Variants in TAOK3 observed in about 807,000 individuals in gnomAD.
TAOK3 encodes TAO kinase 3.
A neutral mutation model predicts 120.4 loss-of-function variants in TAOK3; 40 were observed. That is an observed-to-expected ratio of 0.33 (90% CI 0.26 to 0.43). The LOEUF is 0.43. TAOK3 is among the 20% of genes least tolerant of loss of function. The probability of loss-of-function intolerance (pLI) is 1.00; values close to 1 mark genes in which losing one functional copy is unlikely to be tolerated. For missense variants in TAOK3, 821 were observed against 1,112.1 expected (o/e 0.74, Z 3.72); for synonymous variants, 355 against 387.5 (o/e 0.92, Z 0.99).
intron 1 of TAOK3, among the ~76,000 whole-genome samples, chr12:118,352,349 C>A (rs1329836636): frequency 1.3e-5 from 2 of 151,590 alleles, no homozygotes; most frequent in East Asian, 2.0e-4. Flanking sequence ...ACTAAAAATA[C>A]AAGAATTAGC....
chr12:118,187,160 C>T (rs927943549), intron 14 of TAOK3, among the ~76,000 whole-genome samples: 6 of 152,106 alleles, frequency 3.9e-5, no homozygotes, highest in Non-Finnish European at 8.8e-5. Flanking sequence ...TCCCTGTTCA[C>T]CTTTGGACCT....
chr12:118,183,397 T>C (rs2036887263), intron 14 of TAOK3, among the ~76,000 whole-genome samples: 1 of 152,176 alleles, frequency 6.6e-6, no homozygotes, highest in Non-Finnish European at 1.5e-5. Context: ...GGGTTTCATA[T>C]TCATTTCTCT....
intron 1 of TAOK3, among the ~76,000 whole-genome samples, chr12:118,348,741 C>T (rs1050794888): frequency 4.6e-5 from 7 of 151,858 alleles, no homozygotes; most frequent in African/African-American, 7.3e-5. Context: ...TGAGCCACTG[C>T]GCCCAGCCTC....
At chr12:118,256,860 CA>C (rs2041009196) in intron 2 of TAOK3, among the ~76,000 whole-genome samples, 1 of 151,900 alleles carries the variant, frequency 6.6e-6, no homozygotes, top group Admixed American at 6.6e-5. Flanking sequence ...GTGACTATAC[CA>C]AAAATCATTC....
Position 118,317,298 on chromosome 12 carries a change from A to ATT in TAOK3, c.-193-50541_-193-50540dup, listed in dbSNP as rs950745966. Among the ~76,000 whole-genome samples the ATT allele has an allele frequency of 5.7e-3, 723 of 126,052 alleles. 13 individuals are homozygous for ATT. Among genetic ancestry groups the ATT allele is most frequent in the African/African-American group, 0.02 (670 of 32,780 alleles). 82.7% of individuals were successfully genotyped at this position (126,052 alleles called of 152,430 possible). ...AAAAAAAAAAAAAATCGCTGGGAGA[A>ATT]TTTTTTTTTTTTTTTTTTTTTAGAC... On this transcript the variant is annotated intron_variant, in intron 1 of 20. Transcript: ENST00000392533.
Position 118,161,984 on chromosome 12 carries a change from A to G in TAOK3, c.1943T>C (p.Met648Thr). The change falls in exon 18 of 21, where the codon ATG (methionine) becomes ACG (threonine). Residue 648 changes from methionine (M) to threonine (T), a missense_variant. Physicochemically the swap from Met to Thr is moderately conservative, Grantham distance 81. Coordinates refer to ENST00000392533, the MANE Select transcript of TAOK3 (RefSeq NM_016281.4). The surrounding 1 kb of genome is among the most constrained non-coding windows in gnomAD (Gnocchi z 4.5). ...GGTGGACTCGTCGTGCCGGATTAGC[A>G]TGGCATGCTCCATCTCCTTCTGGGT... ...KRTQKEMEHA[M>T]LIRHDESTRE... 1 of 1,614,080 alleles carries G rather than the reference A, an allele frequency of 6.2e-7. No individual in the cohort carries two copies. The highest frequency in any genetic ancestry group is 1.3e-5 in the African/African-American group (1 of 75,002).
chr12:118,195,974 C>A (rs1341610169), intron 13 of TAOK3, among the ~76,000 whole-genome samples: 2 of 151,972 alleles, frequency 1.3e-5, no homozygotes, highest in Non-Finnish European at 2.9e-5. Flanking sequence ...GGCGTGAACG[C>A]AGGAGGCGGA....
At chr12:118,165,023 C>T (rs759288933) in intron 17 of TAOK3, among the ~76,000 whole-genome samples, 7 of 152,128 alleles carry the variant, frequency 4.6e-5, no homozygotes, top group Non-Finnish European at 1.0e-4. Flanking sequence ...TGAACATGTA[C>T]ACCCCCTCAG....
intron 11 of TAOK3, among the ~76,000 whole-genome samples, chr12:118,207,264 T>C (rs1463580674): frequency 6.7e-6 from 1 of 148,268 alleles, no homozygotes; most frequent in Non-Finnish European, 1.5e-5. Context: ...AGGCAGAGGT[T>C]GCCATGAGCC....
At chr12:118,163,439 C>CTT (rs71069421) in intron 17 of TAOK3, among the ~76,000 whole-genome samples, 177 of 123,210 alleles carry the variant, frequency 1.4e-3, no homozygotes, top group East Asian at 6.6e-3. Context: ...CAGGGACATA[C>CTT]TTTTTTTTTG....
chr12:118,161,968 G>A lies in TAOK3; in HGVS notation c.1959C>T (p.Asp653=), dbSNP rs911352655. 2.5e-6 allele frequency: 4 copies of A among 1,614,098 alleles called. No homozygotes were observed. Among genetic ancestry groups the A allele is most frequent in the South Asian group, 2.2e-5 (2 of 91,066 alleles). Residue 653 remains aspartate, a synonymous_variant, in exon 18 of 21, where the codon GAC becomes GAT. Coordinates refer to ENST00000392533, the MANE Select transcript of TAOK3 (RefSeq NM_016281.4). This position sits in a 1 kb window ranked among gnomAD's most constrained non-coding sequence, Gnocchi z 4.5. ...EMEHAMLIRH[D]ESTRELEYRQ... ...TGTACTCTAGCTCTCGGGTGGACTC[G>A]TCGTGCCGGATTAGCATGGCATGCT...
chr12:118,320,380 C>A (rs2043652399), intron 1 of TAOK3, among the ~76,000 whole-genome samples: 1 of 151,754 alleles, frequency 6.6e-6, no homozygotes, highest in African/African-American at 2.4e-5. Context: ...CGCTTGAGCC[C>A]CAGGTATTTG....
Position 118,160,887 on chromosome 12 carries a change from G to A in TAOK3, c.2140-529C>T, listed in dbSNP as rs76146058. 7.4e-3 allele frequency among the ~76,000 whole-genome samples: 1,123 copies of A among 152,224 alleles called. 16 individuals carry two copies. The highest frequency in any genetic ancestry group is 0.026 in the African/African-American group (1,066 of 41,532). On this transcript the variant is annotated intron_variant, in intron 18 of 20. Transcript: ENST00000392533. The surrounding 1 kb of genome is among the most constrained non-coding windows in gnomAD (Gnocchi z 4.2). ...TATGGATGGTACCTTATATCCTAACGCATTTCTACTGGATTTCAGCGTAAA... is the reference window on the plus strand; with the variant it reads ...TATGGATGGTACCTTATATCCTAACACATTTCTACTGGATTTCAGCGTAAA...
intron 11 of TAOK3, among the ~76,000 whole-genome samples, chr12:118,207,858 TCACACACACACACACACA>T (rs55978716): frequency 6.9e-6 from 1 of 144,350 alleles, no homozygotes; most frequent in Non-Finnish European, 1.5e-5. Flanking sequence ...AGACTCTGTC[TCACACACACACACACACA>T]CACACACACA....
intron 1 of TAOK3, among the ~76,000 whole-genome samples, chr12:118,361,412 A>T (rs2141300518): frequency 6.6e-6 from 1 of 152,160 alleles, no homozygotes; most frequent in South Asian, 2.1e-4. Context: ...GAATTTGCAG[A>T]TGAATACTAC....
At chr12:118,290,188 A>T (rs536914627) in intron 1 of TAOK3, among the ~76,000 whole-genome samples, 75 of 152,122 alleles carry the variant, frequency 4.9e-4, no homozygotes, top group Non-Finnish European at 9.7e-4. Context: ...ACAGGATGTA[A>T]GATCCAAACT....
At chr12:118,163,522 C>T (rs1463297533) in intron 17 of TAOK3, among the ~76,000 whole-genome samples, 2 of 148,434 alleles carry the variant, frequency 1.3e-5, no homozygotes, top group Non-Finnish European at 1.5e-5. Flanking sequence ...CTCAAGTGAT[C>T]CTCCCATCTC....
chr12:118,325,302 A>G (rs2043892014), intron 1 of TAOK3, among the ~76,000 whole-genome samples: 1 of 152,182 alleles, frequency 6.6e-6, no homozygotes, highest in East Asian at 1.9e-4. Context: ...CCTCCATACT[A>G]TTCTCCATAG....
At chr12:118,348,822 AG>A (rs901529904) in intron 1 of TAOK3, among the ~76,000 whole-genome samples, 1 of 148,186 alleles carries the variant, frequency 6.7e-6, no homozygotes, top group African/African-American at 2.5e-5. Context: ...TGTTTTTGTG[AG>A]GGGGGAGAAA....
Sources: gnomAD v4.1 joint callset for allele counts (sites outside exome capture counted in the v4.1 genomes callset) on GRCh38, gnomAD v4.1.1 for gene constraint, Gnocchi (gnomAD v3.1) non-coding constraint, MANE v1.5 for transcripts, NCBI Gene and HGNC (gene_info 2026-07-23, HGNC 2026-07-21) for gene names.